Variants in ADCY2 observed in about 807,000 individuals in gnomAD.
ADCY2 encodes adenylate cyclase 2.
A neutral mutation model predicts 125.2 loss-of-function variants in ADCY2; 31 were observed. The observed-to-expected ratio is 0.25, with a 90% CI of 0.19 to 0.33. The LOEUF (loss-of-function observed/expected upper bound fraction) is 0.33, where lower values mean the gene tolerates loss of function less well. Ranked by LOEUF, ADCY2 falls within the 10% of genes least tolerant of loss-of-function variation. ADCY2 has a pLI of 1.00. For synonymous variants in ADCY2, 512 were observed against 548.4 expected (o/e 0.93, Z 0.93); for missense variants, 904 against 1,418.2 (o/e 0.64, Z 5.82).
intron 2 of ADCY2, among the ~76,000 whole-genome samples, chr5:7,442,536 T>C (rs550414811): frequency 1.1e-4 from 16 of 152,166 alleles, no homozygotes; most frequent in African/African-American, 3.9e-4. Context: ...TCTGTCCCAG[T>C]CTTCCTGGGA....
At chr5:7,690,046 A>C (rs1740657298) in intron 4 of ADCY2, among the ~76,000 whole-genome samples, 1 of 152,202 alleles carries the variant, frequency 6.6e-6, no homozygotes, top group Non-Finnish European at 1.5e-5. Context: ...TCCTGGACTT[A>C]CTGAATATAA....
At chr5:7,415,437 G>T (rs776766379) in intron 2 of ADCY2, among the ~76,000 whole-genome samples, 1 of 152,096 alleles carries the variant, frequency 6.6e-6, no homozygotes, top group East Asian at 1.9e-4. Flanking sequence ...TTTACATCTC[G>T]AACCACAGTT....
At chr5:7,719,767 C>T (rs1165295768) in intron 12 of ADCY2, among the ~76,000 whole-genome samples, 1 of 152,156 alleles carries the variant, frequency 6.6e-6, no homozygotes, top group Non-Finnish European at 1.5e-5. Flanking sequence ...TCATTTCATT[C>T]TTAGAGGCTC....
intron 4 of ADCY2, among the ~76,000 whole-genome samples, chr5:7,629,398 G>C (rs1738241967): frequency 6.6e-6 from 1 of 152,138 alleles, no homozygotes. Flanking sequence ...ACTCCATGCT[G>C]TCTTTTCTTC....
intron 20 of ADCY2, among the ~76,000 whole-genome samples, chr5:7,792,101 G>A (rs910637325): frequency 6.6e-6 from 1 of 151,868 alleles, no homozygotes; most frequent in Non-Finnish European, 1.5e-5. Context: ...GGCCGGGCGC[G>A]GTGGCTCACG....
intron 3 of ADCY2, among the ~76,000 whole-genome samples, chr5:7,608,344 G>A (rs185449088): frequency 2.0e-5 from 3 of 152,144 alleles, no homozygotes; most frequent in Non-Finnish European, 4.4e-5. Flanking sequence ...CACTTTGGGA[G>A]GCCAAGGCGG....
intron 3 of ADCY2, among the ~76,000 whole-genome samples, chr5:7,533,555 CAT>C (rs1009137754): frequency 2.6e-5 from 4 of 152,016 alleles, no homozygotes; most frequent in African/African-American, 9.7e-5. Flanking sequence ...GCTTAACACA[CAT>C]TTTTTTCTCT....
intron 2 of ADCY2, among the ~76,000 whole-genome samples, chr5:7,468,623 TGGTG>T (rs1430034502): frequency 6.6e-6 from 1 of 152,140 alleles, no homozygotes; most frequent in East Asian, 1.9e-4. Flanking sequence ...AAGAGGCTAA[TGGTG>T]GGTGGGTGGG....
chr5:7,501,040 A>C (rs1027265976), intron 2 of ADCY2, among the ~76,000 whole-genome samples: 2 of 152,092 alleles, frequency 1.3e-5, no homozygotes, highest in Non-Finnish European at 2.9e-5. Flanking sequence ...AGGGTTTCTG[A>C]AAACGTCTTT....
intron 16 of ADCY2, among the ~76,000 whole-genome samples, chr5:7,763,046 GTTTT>G (rs1156260574): frequency 7.8e-6 from 1 of 127,674 alleles, no homozygotes; most frequent in African/African-American, 2.7e-5. Context: ...CATTTTCTTT[GTTTT>G]TTTTGTTTGT....
Position 7,761,538 on chromosome 5 carries a change from C to A in ADCY2, c.2094+3952C>A, listed in dbSNP as rs576544539. ...ATGCTAGAATGAACTTTGAGGAGAT[C>A]TTTGTTTTTTTTCACATGCCCTAGG... is the stretch of plus-strand genomic sequence containing the variant. On this transcript the variant is annotated intron_variant, in intron 16 of 24. Coordinates refer to ENST00000338316, the MANE Select transcript of ADCY2 (RefSeq NM_020546.3). 1.1e-4 allele frequency among the ~76,000 whole-genome samples: 16 copies of A among 152,066 alleles called. No homozygotes were observed. In the South Asian group the frequency reaches 2.5e-3, roughly 24 times the overall value.
In ADCY2 at chr5:7,570,916, C is replaced by T. The variant is rs114166198; in HGVS notation, c.570+50017C>T. ...TATTCTTTCATTATGAAACCCTAGG[C>T]CTTCAGGTTTGCAAGGTTTAGAAAC... is the stretch of plus-strand genomic sequence containing the variant. On this transcript the variant is annotated intron_variant, in intron 3 of 24. Coordinates refer to ENST00000338316, the MANE Select transcript of ADCY2 (RefSeq NM_020546.3). Among the ~76,000 whole-genome samples, 613 of 152,174 alleles carry T rather than the reference C, an allele frequency of 4.0e-3. 3 individuals are homozygous for T. Among genetic ancestry groups the T allele is most frequent in the African/African-American group, 0.014 (591 of 41,544 alleles).
intron 1 of ADCY2, among the ~76,000 whole-genome samples, chr5:7,400,080 G>A (rs1739207244): frequency 6.6e-6 from 1 of 151,030 alleles, no homozygotes; most frequent in Admixed American, 6.6e-5. Context: ...GCCTGTCAGT[G>A]TTAAGAAAGG....
chr5:7,555,548 A>G (rs34069445), intron 3 of ADCY2, among the ~76,000 whole-genome samples: 46,318 of 152,020 alleles, frequency 0.3, 8,225 homozygotes, highest in Non-Finnish European at 0.41. Flanking sequence ...ATTTATTTAA[A>G]TATAATTGTA....
chr5:7,638,794 T>C (rs1207596943), intron 4 of ADCY2, among the ~76,000 whole-genome samples: 1 of 152,166 alleles, frequency 6.6e-6, no homozygotes, highest in Non-Finnish European at 1.5e-5. Flanking sequence ...TCTGAAATCT[T>C]TGGCGGTGAT....
intron 15 of ADCY2, among the ~76,000 whole-genome samples, chr5:7,753,564 C>T (rs115312251): frequency 0.025 from 3,740 of 152,226 alleles, 139 homozygotes; most frequent in African/African-American, 0.086. Flanking sequence ...TTTTGATAAA[C>T]ATTTTTCCAC....
intron 3 of ADCY2, among the ~76,000 whole-genome samples, chr5:7,607,771 G>A (rs1046890383): frequency 6.6e-6 from 1 of 152,202 alleles, no homozygotes; most frequent in African/African-American, 2.4e-5. Context: ...GGTGAACTTT[G>A]TGTGCAGAAT....
intron 4 of ADCY2, among the ~76,000 whole-genome samples, chr5:7,643,863 C>G (rs2126676194): frequency 6.6e-6 from 1 of 151,650 alleles, no homozygotes; most frequent in Non-Finnish European, 1.5e-5. Flanking sequence ...AAATAATAAT[C>G]ACATTCCATT....
At chr5:7,461,958 A>T (rs1432258096) in intron 2 of ADCY2, among the ~76,000 whole-genome samples, 1 of 152,238 alleles carries the variant, frequency 6.6e-6, no homozygotes, top group Non-Finnish European at 1.5e-5. Flanking sequence ...CATTGTCAGA[A>T]TCTCCCTGAG....
Sources: gnomAD v4.1 joint callset for allele counts (sites outside exome capture counted in the v4.1 genomes callset) on GRCh38, gnomAD v4.1.1 for gene constraint, MANE v1.5 for transcripts, NCBI Gene and HGNC (gene_info 2026-07-23, HGNC 2026-07-21) for gene names.